The following SPAG9 variants were observed in gnomAD, a reference collection of about 807,000 sequenced individuals.
SPAG9 encodes sperm associated antigen 9, also known as C-Jun-amino-terminal kinase-interacting protein 4.
Under a neutral mutation model 166.5 loss-of-function variants are expected in SPAG9, and 35 were observed. The observed-to-expected ratio is 0.21, with a 90% CI of 0.16 to 0.28. The LOEUF is 0.28. SPAG9 is among the 10% of genes least tolerant of loss of function. The pLI is 1.00. For synonymous variants in SPAG9, 534 were observed against 565.5 expected (o/e 0.94, Z 0.79); for missense variants, 1,235 against 1,603.3 (o/e 0.77, Z 3.92).
rs553483377 is a variant in SPAG9 at position 51,013,254 on chromosome 17, A to G, written c.1213+978T>C. Among the ~76,000 whole-genome samples, 6 of 152,342 alleles carry G rather than the reference A, an allele frequency of 3.9e-5. No individual in the cohort carries two copies. The East Asian group carries it at 1.2e-3, about 29-fold the overall frequency. On this transcript the variant is annotated intron_variant, in intron 9 of 29. Transcript: ENST00000262013. ...TTTAGCTTAGTATCTCCAAAGGTAT[A>G]TATTTTTAATTCCATATAGTTTTTA...
At chr17:51,087,033 C>T (rs990164478) in intron 1 of SPAG9, among the ~76,000 whole-genome samples, 1 of 152,218 alleles carries the variant, frequency 6.6e-6, no homozygotes, top group African/African-American at 2.4e-5. Flanking sequence ...ACACAGGGCA[C>T]TGAAAGCTGA....
chr17:51,071,042 G>A (rs1390068674), intron 2 of SPAG9, among the ~76,000 whole-genome samples: 1 of 151,956 alleles, frequency 6.6e-6, no homozygotes, highest in African/African-American at 2.4e-5. Context: ...AAAAAGACTA[G>A]TAGGCCATAC....
In SPAG9 at chr17:51,120,262, C is replaced by T; in HGVS notation, c.303+92G>A. On this transcript the variant is annotated intron_variant, in intron 1 of 29. Coordinates refer to ENST00000262013, the MANE Select transcript of SPAG9 (RefSeq NM_001130528.3). This position sits in a 1 kb window ranked among gnomAD's most constrained non-coding sequence, Gnocchi z 4.7. ...CCTCAGGCCCGCCCTCCAGGAGGCC[C>T]GTCGCGCCTCTAGTCCCCGACCGGG... 4.3e-6 allele frequency: 5 copies of T among 1,153,956 alleles called. No individual in the cohort carries two copies. The highest frequency in any genetic ancestry group is 3.4e-5 in the South Asian group (2 of 58,768). The allele number at this position is 1,153,956 out of a possible 1,614,324, so 71.5% of individuals were successfully genotyped here.
At chr17:51,045,810 C>T (rs2046998024) in intron 4 of SPAG9, among the ~76,000 whole-genome samples, 2 of 151,992 alleles carry the variant, frequency 1.3e-5, no homozygotes, top group African/African-American at 2.4e-5. Context: ...TAATGACTAC[C>T]CCCACAAGCA....
At chr17:51,053,855 GTATATATATATATA>G (rs1161592026) in intron 3 of SPAG9, among the ~76,000 whole-genome samples, 855 of 37,676 alleles carry the variant, frequency 0.023, 21 homozygotes, top group Admixed American at 0.035. Context: ...AAAAAAAAAA[GTATATATATATATA>G]TATATATATA....
chr17:50,977,441 G>C (rs1157666528), intron 26 of SPAG9, among the ~76,000 whole-genome samples: 1 of 152,146 alleles, frequency 6.6e-6, no homozygotes, highest in Non-Finnish European at 1.5e-5. Context: ...TTGTCTATCT[G>C]ACAATTCAGG....
chr17:51,095,632 C>G (rs1484632799), intron 1 of SPAG9, among the ~76,000 whole-genome samples: 1 of 150,076 alleles, frequency 6.7e-6, no homozygotes, highest in Non-Finnish European at 1.5e-5. Context: ...GCCTGGGCGA[C>G]AGAGTGAGAA....
In SPAG9 at chr17:51,040,637, T is replaced by C. The variant is rs1033479229; in HGVS notation, c.741+864A>G. On this transcript the variant is annotated intron_variant, in intron 5 of 29. Coordinates refer to ENST00000262013, the MANE Select transcript of SPAG9 (RefSeq NM_001130528.3). ...ACAGCAGTAAATAAACCTCATAGAATTTATGTTCTTAGGGAAGAGTCTAGA... is the reference window on the plus strand; with the variant it reads ...ACAGCAGTAAATAAACCTCATAGAACTTATGTTCTTAGGGAAGAGTCTAGA... 2.2e-4 allele frequency among the ~76,000 whole-genome samples: 34 copies of C among 152,202 alleles called. 2 individuals carry two copies.
intron 1 of SPAG9, among the ~76,000 whole-genome samples, chr17:51,095,045 C>T (rs2048571114): frequency 6.6e-6 from 1 of 152,140 alleles, no homozygotes; most frequent in Admixed American, 6.6e-5. Context: ...CCTGTAATCC[C>T]AGCACTTCGG....
chr17:51,096,639 TAATA>T (rs921219614), intron 1 of SPAG9, among the ~76,000 whole-genome samples: 2 of 152,150 alleles, frequency 1.3e-5, no homozygotes, highest in Non-Finnish European at 2.9e-5. Context: ...ACAACATTTG[TAATA>T]TATAATGTGG....
In SPAG9 at chr17:50,966,368, T is replaced by C; in HGVS notation, c.3870A>G (p.Ser1290=). ...GTGGAAGATCCTCTCCAAGAAGTTC[T>C]GATTCTCCACCTTCATCACCTAGTG... The part of the protein sequence containing the change: ...DFRMGDEGGE[S]ELLGEDLPLE... The change falls in exon 30 of 30, where the codon TCA becomes TCG. Residue 1290 remains serine, a synonymous_variant. Coordinates refer to ENST00000262013, the MANE Select transcript of SPAG9 (RefSeq NM_001130528.3). 6.2e-7 allele frequency: 1 copy of C among 1,611,510 alleles called. No homozygotes were observed.
intron 13 of SPAG9, among the ~76,000 whole-genome samples, chr17:51,000,754 TGAA>T (rs2044906750): frequency 3.9e-5 from 1 of 25,496 alleles, no homozygotes; most frequent in East Asian, 1.2e-3. Flanking sequence ...AATAAATGAA[TGAA>T]TAAATAAATA....
chr17:50,994,414 A>G (rs1016471098), intron 18 of SPAG9, among the ~76,000 whole-genome samples: 2 of 152,138 alleles, frequency 1.3e-5, no homozygotes, highest in African/African-American at 4.8e-5. Context: ...CAGTGTGAAT[A>G]TAGACTAATA....
chr17:51,075,556 G>A (rs2047946469), intron 2 of SPAG9, among the ~76,000 whole-genome samples: 1 of 152,288 alleles, frequency 6.6e-6, no homozygotes, highest in African/African-American at 2.4e-5. Context: ...CGAGCGCAGT[G>A]GCTTACACCT....
In SPAG9 at chr17:50,962,450, T is replaced by G. The variant is rs1337145289; in HGVS notation, c.*3822A>C. On this transcript the variant is annotated 3_prime_UTR_variant, in exon 30 of 30. Transcript: ENST00000262013. Reference sequence around the variant, plus strand: ...AGATATATTCAAATAGAGAAATGTATGACAAAATTAATAAAACTTAATCTT... The same window carrying G: ...AGATATATTCAAATAGAGAAATGTAGGACAAAATTAATAAAACTTAATCTT... The G allele has an allele frequency of 6.6e-6, 1 of 152,238 alleles. No homozygotes were observed. The highest frequency in any genetic ancestry group is 1.5e-5 in the Non-Finnish European group (1 of 68,038). 9.4% of individuals were successfully genotyped at this position (152,238 alleles called of 1,614,324 possible). A position where few individuals can be genotyped will look rare whatever the true frequency, so the allele number is the denominator to read the frequency against.
intron 5 of SPAG9, among the ~76,000 whole-genome samples, chr17:51,032,723 G>T (rs1254798456): frequency 6.6e-6 from 1 of 151,998 alleles, no homozygotes; most frequent in Non-Finnish European, 1.5e-5. Context: ...ATCACCTGAG[G>T]TCGGGAGTCC....
intron 2 of SPAG9, among the ~76,000 whole-genome samples, chr17:51,075,546 C>T (rs935401472): frequency 2.6e-5 from 4 of 152,148 alleles, no homozygotes; most frequent in African/African-American, 4.8e-5. Flanking sequence ...GAATTCTGGT[C>T]GAGCGCAGTG....
intron 28 of SPAG9, among the ~76,000 whole-genome samples, chr17:50,973,835 T>A (rs911218005): frequency 2.0e-5 from 3 of 152,176 alleles, no homozygotes; most frequent in African/African-American, 7.2e-5. Context: ...GACTGCAACA[T>A]CCACTCTTCC....
Position 51,040,240 on chromosome 17 carries a change from C to G in SPAG9, c.741+1261G>C, listed in dbSNP as rs190940571. 1.4e-3 allele frequency among the ~76,000 whole-genome samples: 200 copies of G among 138,650 alleles called. 1 individual carries two copies. Among genetic ancestry groups the G allele is most frequent in the African/African-American group, 5.2e-3 (195 of 37,540 alleles). 91.0% of individuals were successfully genotyped at this position (138,650 alleles called of 152,430 possible). On this transcript the variant is annotated intron_variant, in intron 5 of 29. Transcript: ENST00000262013. ...CCAGCCTGAGCGACACAGCAAGACT[C>G]TGTCTCAAAAAAAAAAAAAAAAAAG...
Sources: allele counts gnomAD v4.1 joint callset (sites outside exome capture counted in the v4.1 genomes callset), GRCh38; gene constraint gnomAD v4.1.1; non-coding constraint Gnocchi (gnomAD v3.1); transcripts MANE v1.5; gene names NCBI Gene and HGNC (gene_info 2026-07-23, HGNC 2026-07-21).